Variants in RNF212 observed in about 807,000 individuals in gnomAD.
RNF212 encodes probable E3 SUMO-protein ligase RNF212.
A neutral mutation model predicts 34.7 loss-of-function variants in RNF212; 33 were observed. The ratio of observed to expected loss-of-function variants is 0.95; its 90% CI spans 0.72 to 1.27. The LOEUF is 1.27. RNF212 is among the 50% of genes most tolerant of loss of function. RNF212 has a pLI of 0.00. For missense variants in RNF212, 377 were observed against 362.2 expected, an observed-to-expected ratio of 1.04 and a Z score of -0.33; for synonymous variants, 140 against 136.1, an observed-to-expected ratio of 1.03 and a Z score of -0.20.
At chr4:1,083,926 G>A (rs1720760881) in intron 5 of RNF212, among the ~76,000 whole-genome samples, 1 of 148,506 alleles carries the variant, frequency 6.7e-6, no homozygotes, top group African/African-American at 2.5e-5. Flanking sequence ...AAAAATGAAA[G>A]TAATTCCACA....
chr4:1,086,210 G>C (rs1343234940), intron 4 of RNF212, among the ~76,000 whole-genome samples: 2 of 152,152 alleles, frequency 1.3e-5, no homozygotes, highest in Non-Finnish European at 2.9e-5. Flanking sequence ...AAGCCGGCAG[G>C]ATGCAAATTC....
At chr4:1,070,014 G>A (rs746904667), downstream of RNF212, among the ~76,000 whole-genome samples, 20 of 151,450 alleles carry the variant, frequency 1.3e-4, no homozygotes, top group Non-Finnish European at 2.4e-4. Context: ...CAGCGTGGAC[G>A]CCTGGCCTGA....
At chr4:1,094,879 A>G (rs1244090794) in intron 3 of RNF212, among the ~76,000 whole-genome samples, 1 of 152,228 alleles carries the variant, frequency 6.6e-6, no homozygotes, top group Admixed American at 6.5e-5. Context: ...ATGTGACACC[A>G]AAAGCAAAAA....
At chr4:1,095,604 T>G (rs1425078768) in intron 3 of RNF212, among the ~76,000 whole-genome samples, 1 of 87,692 alleles carries the variant, frequency 1.1e-5, no homozygotes, top group African/African-American at 7.8e-5. Flanking sequence ...ATAGCGCACC[T>G]GGCTCATCAC....
intron 1 of RNF212, among the ~76,000 whole-genome samples, chr4:1,109,686 C>A (rs4974571): frequency 0.81 from 123,769 of 152,058 alleles, 52,034 homozygotes; most frequent in East Asian, 1. Flanking sequence ...TACTCAGAAG[C>A]AGCCCTGGCT....
chr4:1,059,285 C>T (rs965943525), intron 3 of RNF212, among the ~76,000 whole-genome samples: 3 of 152,230 alleles, frequency 2.0e-5, no homozygotes, highest in African/African-American at 4.8e-5. Flanking sequence ...CATCGTAACT[C>T]CTCAGTCTGC....
chr4:1,090,791 A>G lies in RNF212; in HGVS notation c.294T>C (p.Tyr98=), dbSNP rs1722064380. The G allele has an allele frequency of 5.1e-6, 8 of 1,574,432 alleles. No homozygotes were observed. Among genetic ancestry groups the G allele is most frequent in the South Asian group, 1.1e-5 (1 of 89,814 alleles). ...AATCAATTCCACTTACCTTTTCTCT[A>G]TAGAAGGCTAACAATCTCTTCCTGT... ...EKHRKRLLAF[Y]REKISRLEES... is the part of the protein sequence containing the mutation. The change falls in exon 4 of 10, where the codon TAT becomes TAC. Residue 98 remains tyrosine (Y), a synonymous_variant. Coordinates refer to ENST00000433731, the MANE Select transcript of RNF212 (RefSeq NM_001131034.4).
At chr4:1,076,582 C>T (rs1719344790) in intron 8 of RNF212, among the ~76,000 whole-genome samples, 1 of 152,224 alleles carries the variant, frequency 6.6e-6, no homozygotes, top group South Asian at 2.1e-4. Context: ...TGTCCCAGAA[C>T]CTCTGCTCAG....
intron 2 of RNF212, among the ~76,000 whole-genome samples, chr4:1,105,996 G>A (rs907453737): frequency 6.6e-6 from 1 of 152,258 alleles, no homozygotes; most frequent in Admixed American, 6.5e-5. Flanking sequence ...GGGCCTACAT[G>A]CATGGGGGAC....
chr4:1,090,663 A>T, intron 4 of RNF212, 119 bp downstream of exon 4: 2 of 702,232 alleles, frequency 2.8e-6, no homozygotes, highest in Non-Finnish European at 5.2e-6. Flanking sequence ...AAACACACAG[A>T]GAAACAGATA....
intron 1 of RNF212, among the ~76,000 whole-genome samples, chr4:1,109,145 G>A (rs949696653): frequency 1.3e-5 from 2 of 151,772 alleles, no homozygotes; most frequent in African/African-American, 4.8e-5. Flanking sequence ...GTGACTGGGC[G>A]TACAGGTGCC....
chr4:1,096,866 T>C (rs543795828), intron 2 of RNF212, 27 bp from the exon 3 acceptor site: 1 of 1,537,316 alleles, frequency 6.5e-7, no homozygotes, highest in Admixed American at 1.7e-5. Flanking sequence ...TGACTCTACA[T>C]TTATTGTGTC....
chr4:1,090,446 A>T (rs1336075592), intron 4 of RNF212, among the ~76,000 whole-genome samples: 1 of 152,202 alleles, frequency 6.6e-6, no homozygotes, highest in African/African-American at 2.4e-5. Context: ...CTTGTTTTTC[A>T]AAATGGGATG....
At chr4:1,081,346 G>C in intron 7 of RNF212, 73 bp downstream of exon 7, 7 of 1,300,678 alleles carry the variant, frequency 5.4e-6, no homozygotes, top group Non-Finnish European at 7.8e-6. Flanking sequence ...AGGGGGTGGG[G>C]TTGGGATGGG....
chr4:1,098,542 C>T (rs73792270), intron 2 of RNF212, among the ~76,000 whole-genome samples: 2,901 of 152,166 alleles, frequency 0.019, 86 homozygotes, highest in African/African-American at 0.066. Context: ...GGCTCTGGCT[C>T]GGATGGGGTA....
chr4:1,093,639 C>T (rs1312454660), intron 3 of RNF212: 6 of 1,535,764 alleles, frequency 3.9e-6, no homozygotes, highest in South Asian at 1.2e-5. Context: ...TCTCCTGAGA[C>T]AGCACCTGGC....
At chr4:1,073,332 G>A (rs535182650) in intron 9 of RNF212, 139 bp from the exon 10 acceptor site, 2 of 1,209,982 alleles carry the variant, frequency 1.7e-6, no homozygotes, top group East Asian at 5.1e-5. Context: ...CAAACCCAGT[G>A]ACACTATTTT....
At chr4:1,067,286 C>T (rs1234164658), downstream of RNF212, among the ~76,000 whole-genome samples, 1 of 151,684 alleles carries the variant, frequency 6.6e-6, no homozygotes, top group East Asian at 1.9e-4. Flanking sequence ...AAGGAGATAC[C>T]GATAAACTAA....
At position 1,079,664 on chromosome 4, in the gene RNF212, G is replaced by C. The variant is rs554258774; in HGVS notation, c.489C>G (p.Leu163=). Residue 163 remains leucine, a synonymous_variant, in exon 8 of 10, where the codon CTC becomes CTG. Transcript: ENST00000433731. ...PDRLESMEVD[L]SPSPIRKSEI... ...TTACTTTTCTAATCGGAGAAGGAGAGAGATCAACTTCCATCGACTCCAGTC... is the reference window on the plus strand; with the variant it reads ...TTACTTTTCTAATCGGAGAAGGAGACAGATCAACTTCCATCGACTCCAGTC... 5 of 1,611,310 alleles carry C rather than the reference G, an allele frequency of 3.1e-6. No individual in the cohort carries two copies. In the African/African-American group the frequency reaches 4.0e-5, roughly 13 times the overall value.
Sources: allele counts gnomAD v4.1 joint callset (sites outside exome capture counted in the v4.1 genomes callset), GRCh38; gene constraint gnomAD v4.1.1; transcripts MANE v1.5; gene names NCBI Gene and HGNC (gene_info 2026-07-23, HGNC 2026-07-21).